Variants in APMAP observed in about 807,000 individuals in gnomAD.
APMAP encodes adipocyte plasma membrane associated protein, also known as adipocyte plasma membrane-associated protein.
In APMAP, 33 loss-of-function variants were observed where a neutral mutation model predicts 43.6. The ratio of observed to expected loss-of-function variants is 0.76; its 90% confidence interval spans 0.57 to 1.01. APMAP has a LOEUF of 1.01. Ranked by LOEUF, APMAP falls within the 50% of genes least tolerant of loss-of-function variation. The pLI is 0.00. For missense variants in APMAP, 498 were observed against 540.7 expected (o/e 0.92, Z 0.78); for synonymous variants, 224 against 216.7 (o/e 1.03, Z -0.30).
At chr20:24,992,380 C>T (rs1187083349) in intron 1 of APMAP, among the ~76,000 whole-genome samples, 2 of 152,196 alleles carry the variant, frequency 1.3e-5, no homozygotes, top group African/African-American at 2.4e-5. Context: ...GCAGGGTGCA[C>T]CCGAACCTGA....
chr20:24,976,596 G>A (rs1035196123), intron 3 of APMAP, among the ~76,000 whole-genome samples: 1 of 152,198 alleles, frequency 6.6e-6, no homozygotes, highest in Admixed American at 6.5e-5. Context: ...TAATGGGAAG[G>A]CAAATGGTAC....
At chr20:24,990,772 G>A (rs1233571273) in intron 1 of APMAP, among the ~76,000 whole-genome samples, 1 of 152,026 alleles carries the variant, frequency 6.6e-6, no homozygotes, top group Non-Finnish European at 1.5e-5. Context: ...AAATGCAGAA[G>A]AAAAATAAGA....
At chr20:24,975,934 G>T (rs1259170399) in intron 3 of APMAP, among the ~76,000 whole-genome samples, 1 of 152,200 alleles carries the variant, frequency 6.6e-6, no homozygotes, top group Non-Finnish European at 1.5e-5. Context: ...ATGGAGAAAA[G>T]ACAGTGTTTT....
At chr20:24,987,728 T>A (rs1052433614) in intron 1 of APMAP, among the ~76,000 whole-genome samples, 27 of 152,148 alleles carry the variant, frequency 1.8e-4, no homozygotes, top group African/African-American at 5.6e-4. Context: ...AATCACTGAT[T>A]TGAACATTTT....
chr20:24,977,106 A>G (rs1167790733), intron 3 of APMAP, among the ~76,000 whole-genome samples: 1 of 152,334 alleles, frequency 6.6e-6, no homozygotes, highest in East Asian at 1.9e-4. Context: ...ATAACAGTGG[A>G]TACATGGCAT....
At position 24,973,734 on chromosome 20, in the gene APMAP, AC is replaced by A; in HGVS notation, c.331del (p.Val111Ter). The A allele has an allele frequency of 6.2e-7, 1 of 1,613,758 alleles. No individual in the cohort carries two copies. Among genetic ancestry groups the A allele is most frequent in the African/African-American group, 1.3e-5 (1 of 75,028 alleles). Reference protein sequence around the residue: ...GPESIAHIGDVMFTGTADGRV... With the variant: ...GPESIAHIGDXMFTGTADGRV... ...GCCATCTGCTGTCCCAGTAAACATC[AC>A]ATCTGTTTAAAAACACAAAAAGGAG... On this transcript the variant is annotated frameshift_variant and splice_region_variant, in exon 4 of 9. Transcript: ENST00000217456. LOFTEE classifies it high-confidence loss of function.
At position 24,992,678 on chromosome 20, in the gene APMAP, G is replaced by A. The variant is rs1386181842; in HGVS notation, c.11C>T (p.Ala4Val). ...GGGCCGGCGCTGTCGCAGCCCGTCC[G>A]CCTCGCTCATGGTACGGGCGCCAGC... is the stretch of plus-strand genomic sequence containing the variant. MSE[A>V]DGLRQRRPLR... Residue 4 changes from alanine (A) to valine (V), a missense_variant, in exon 1 of 9, where the codon GCG becomes GTG. Transcript: ENST00000217456. 1 of 1,532,446 alleles carries A rather than the reference G, an allele frequency of 6.5e-7. No individual in the cohort carries two copies. The highest frequency in any genetic ancestry group is 8.8e-7 in the Non-Finnish European group (1 of 1,140,570). The allele number at this position is 1,532,446 out of a possible 1,614,324, so 94.9% of individuals were successfully genotyped here.
intron 8 of APMAP, among the ~76,000 whole-genome samples, chr20:24,965,318 A>G (rs1600278543): frequency 6.6e-6 from 1 of 152,228 alleles, no homozygotes; most frequent in Non-Finnish European, 1.5e-5. Flanking sequence ...GCTTCCACAC[A>G]GGCTCCCACA....
chr20:24,970,801 C>A (rs183279902), intron 5 of APMAP, among the ~76,000 whole-genome samples: 19 of 152,242 alleles, frequency 1.2e-4, no homozygotes, highest in African/African-American at 4.6e-4. Flanking sequence ...CGCCTTTAAA[C>A]CCTCGCAACA....
chr20:24,980,901 A>G (rs1248029031), intron 2 of APMAP, among the ~76,000 whole-genome samples: 4 of 152,218 alleles, frequency 2.6e-5, no homozygotes, highest in Non-Finnish European at 5.9e-5. Context: ...CAGGGCCACC[A>G]TGGTCAAGAG....
chr20:24,967,232 T>A (rs184599112), intron 8 of APMAP, among the ~76,000 whole-genome samples: 2 of 151,714 alleles, frequency 1.3e-5, no homozygotes, highest in East Asian at 3.9e-4. Context: ...GAGGCAGAGG[T>A]TGCAGTGAGC....
intron 8 of APMAP, among the ~76,000 whole-genome samples, chr20:24,965,267 C>A (rs1600278521): frequency 6.6e-6 from 1 of 152,370 alleles, no homozygotes; most frequent in African/African-American, 2.4e-5. Flanking sequence ...GTGTCCCTGG[C>A]CTGGGCCCTG....
At chr20:24,970,121 G>A in intron 6 of APMAP, 76 bp downstream of exon 6, 1 of 1,540,394 alleles carries the variant, frequency 6.5e-7, no homozygotes. Context: ...TTGGTCCCTA[G>A]AAGTAACAGG....
At chr20:24,985,950 T>C (rs1029422969) in intron 1 of APMAP, among the ~76,000 whole-genome samples, 13 of 152,206 alleles carry the variant, frequency 8.5e-5, no homozygotes, top group Admixed American at 3.3e-4. Flanking sequence ...AAGTGGATCC[T>C]GTAACACAGT....
At chr20:24,974,656 A>G (rs1006278871) in intron 3 of APMAP, among the ~76,000 whole-genome samples, 1 of 152,190 alleles carries the variant, frequency 6.6e-6, no homozygotes, top group Non-Finnish European at 1.5e-5. Flanking sequence ...TGAAGAAAGT[A>G]CATCATGTTA....
intron 1 of APMAP, among the ~76,000 whole-genome samples, chr20:24,989,592 G>GT (rs2088174762): frequency 6.6e-6 from 1 of 152,190 alleles, no homozygotes; most frequent in South Asian, 2.1e-4. Flanking sequence ...GCAACCTCAT[G>GT]TGTCAAGGTG....
rs955180718 is a variant in APMAP, at chr20:24,978,747, C to A, written c.328+20G>T. On this transcript the variant is annotated intron_variant, in intron 3 of 8. Transcript: ENST00000217456. ...ACAGACAGCCTGGAAGGCTCCCCCC[C>A]CACCCAAGCTTAGACTTACCCCCAA... 1.0e-4 allele frequency: 134 copies of A among 1,312,742 alleles called. 1 individual carries two copies. The Admixed American group carries it at 1.8e-3, about 18-fold the overall frequency. The allele number at this position is 1,312,742 out of a possible 1,614,324, so 81.3% of individuals were successfully genotyped here. A position where few individuals can be genotyped will look rare whatever the true frequency, so the allele number is the denominator to read the frequency against.
chr20:24,966,840 C>A (rs6083697), intron 8 of APMAP, among the ~76,000 whole-genome samples: 112,014 of 152,008 alleles, frequency 0.74, 41,596 homozygotes, highest in East Asian at 0.99. Context: ...CCTGGTTTCA[C>A]TCAGTGGTAA....
Position 24,973,180 on chromosome 20 carries a change from CT to C in APMAP, c.421+464del, listed in dbSNP as rs573488001. 1.8e-3 allele frequency among the ~76,000 whole-genome samples: 267 copies of C among 152,250 alleles called. 1 individual carries two copies. Among genetic ancestry groups the C allele is most frequent in the African/African-American group, 6.2e-3 (258 of 41,528 alleles). On this transcript the variant is annotated intron_variant, in intron 4 of 8. Coordinates refer to ENST00000217456, the MANE Select transcript of APMAP (RefSeq NM_020531.3). The stretch of plus-strand genomic sequence containing the variant: ...AGACTATCAGTTTTAAACAGTGAGT[CT>C]TCTACTCTAGTTTTCCAAAATTTGA...
Sources: allele counts gnomAD v4.1 joint callset (sites outside exome capture counted in the v4.1 genomes callset), GRCh38; gene constraint gnomAD v4.1.1; transcripts MANE v1.5; gene names NCBI Gene and HGNC (gene_info 2026-07-23, HGNC 2026-07-21).